Variants in ABLIM1 observed in about 807,000 individuals in gnomAD.
ABLIM1 encodes the protein actin binding LIM protein 1.
ABLIM1 carries 40 observed loss-of-function variants against 107.0 expected under a neutral mutation model. The ratio of observed to expected loss-of-function variants is 0.37; its 90% confidence interval spans 0.29 to 0.49. The LOEUF (loss-of-function observed/expected upper bound fraction) is 0.49. ABLIM1 is among the 20% of genes least tolerant of loss of function. The probability of loss-of-function intolerance (pLI) is 0.97; values close to 1 mark genes in which losing one functional copy is unlikely to be tolerated. For missense variants in ABLIM1, 857 were observed against 1,008.5 expected (o/e 0.85, Z 2.04); for synonymous variants, 357 against 357.3 (o/e 1.00, Z 0.01).
chr10:114,799,774 G>C, the ABLIM1 span, among the ~76,000 whole-genome samples: 1 of 151,554 alleles, frequency 6.6e-6, no homozygotes, highest in Non-Finnish European at 1.5e-5. Context: ...GCATCATCTG[G>C]AATGATTTTT....
chr10:114,516,505 C>T (rs548679259), intron 6 of ABLIM1, among the ~76,000 whole-genome samples: 3 of 152,240 alleles, frequency 2.0e-5, no homozygotes, highest in African/African-American at 7.2e-5. Flanking sequence ...GCCTGGGTGA[C>T]AGAGCAAGAC....
At chr10:114,542,425 A>G (rs554633330) in intron 6 of ABLIM1, among the ~76,000 whole-genome samples, 26 of 147,530 alleles carry the variant, frequency 1.8e-4, no homozygotes, top group African/African-American at 6.0e-4. Flanking sequence ...AAAAAAAAGA[A>G]AGAAAGAAAA....
At chr10:114,552,805 A>G (rs1465577833) in intron 4 of ABLIM1, among the ~76,000 whole-genome samples, 1 of 152,218 alleles carries the variant, frequency 6.6e-6, no homozygotes, top group Non-Finnish European at 1.5e-5. Context: ...AGGAAAAAAG[A>G]GAAGAGATCA....
At chr10:114,570,837 C>A (rs1273925367) in intron 4 of ABLIM1, among the ~76,000 whole-genome samples, 1 of 151,964 alleles carries the variant, frequency 6.6e-6, no homozygotes, top group East Asian at 1.9e-4. Context: ...TTAAATGAGG[C>A]TCAAGCAATC....
intron 4 of ABLIM1, among the ~76,000 whole-genome samples, chr10:114,553,921 A>G (rs537522186): frequency 3.9e-5 from 6 of 152,268 alleles, no homozygotes; most frequent in Admixed American, 1.3e-4. Context: ...CATGAATATC[A>G]CATGGATGGT....
chr10:114,574,125 A>G (rs1379665574), intron 3 of ABLIM1, among the ~76,000 whole-genome samples: 1 of 152,192 alleles, frequency 6.6e-6, no homozygotes, highest in African/African-American at 2.4e-5. Context: ...TCCCTTCTAG[A>G]GCTTACATCT....
chr10:114,686,844 C>G (rs2080952066), upstream of ABLIM1, among the ~76,000 whole-genome samples: 1 of 151,752 alleles, frequency 6.6e-6, no homozygotes, highest in Non-Finnish European at 1.5e-5. Context: ...CCAGGCTGGT[C>G]TCAAACTCCC....
At chr10:114,742,572 T>A (rs2082308190) in intron 1 of ABLIM1, among the ~76,000 whole-genome samples, 1 of 152,210 alleles carries the variant, frequency 6.6e-6, no homozygotes, top group Non-Finnish European at 1.5e-5. Context: ...CTCTTCCTGA[T>A]GCAGTGACTT....
At chr10:114,523,684 C>T (rs2064141778) in intron 6 of ABLIM1, among the ~76,000 whole-genome samples, 1 of 152,170 alleles carries the variant, frequency 6.6e-6, no homozygotes, top group African/African-American at 2.4e-5. Context: ...TAGATGGTGA[C>T]TGGATTTGTC....
rs769362662 is a variant in ABLIM1 at position 114,447,987 on chromosome 10, T to A, written c.1628A>T (p.Asp543Val). 1.2e-6 allele frequency: 2 copies of A among 1,614,134 alleles called. No individual in the cohort carries two copies. The highest frequency in any genetic ancestry group is 2.2e-5 in the East Asian group (1 of 44,870). The change falls in exon 15 of 23, where the codon GAT becomes GTT. Residue 543 changes from aspartate to valine, a missense_variant. Physicochemically the swap from Asp to Val is radical, Grantham distance 152. Transcript: ENST00000533213. ...ALAAQSKSSE[D>V]IIKFSKFPAA... ...TGGGAACTTGGAAAACTTGATGATA[T>A]CTTCTGAGGACTTGCTCTGGGCTGC...
At chr10:114,593,575 C>A (rs148084250) in intron 2 of ABLIM1, among the ~76,000 whole-genome samples, 2 of 152,232 alleles carry the variant, frequency 1.3e-5, no homozygotes, top group East Asian at 3.9e-4. Flanking sequence ...TGCAAGAAAA[C>A]CTGCCCAATA....
At chr10:114,552,612 C>T (rs765704461) in intron 4 of ABLIM1, among the ~76,000 whole-genome samples, 6 of 152,172 alleles carry the variant, frequency 3.9e-5, no homozygotes, top group Admixed American at 6.5e-5. Context: ...GTTAAATTAA[C>T]ATCCATCTAC....
At chr10:114,526,905 C>T in intron 6 of ABLIM1, 2 of 985,540 alleles carry the variant, frequency 2.0e-6, no homozygotes, top group Non-Finnish European at 2.4e-6. Flanking sequence ...GGCAGGCACG[C>T]TCTCTCACGC....
chr10:114,463,192 C>T, intron 12 of ABLIM1: 1 of 1,236,594 alleles, frequency 8.1e-7, no homozygotes, highest in South Asian at 1.4e-5. Context: ...AGGGGCAGGG[C>T]ACGGTGGAAA....
intron 4 of ABLIM1, 74 bp from the exon 5 acceptor site, chr10:114,547,850 C>T: frequency 1.3e-6 from 2 of 1,560,654 alleles, no homozygotes; most frequent in Non-Finnish European, 1.7e-6. Flanking sequence ...CAATTTCAAC[C>T]CCACTGTGTG....
At chr10:114,593,015 C>T (rs1817775170) in intron 2 of ABLIM1, among the ~76,000 whole-genome samples, 1 of 36,642 alleles carries the variant, frequency 2.7e-5, no homozygotes, top group Non-Finnish European at 6.3e-5. Context: ...AACCATGAGA[C>T]TGGATGAGGT....
intron 1 of ABLIM1, among the ~76,000 whole-genome samples, chr10:114,624,420 A>G (rs1473291665): frequency 6.6e-6 from 1 of 152,170 alleles, no homozygotes; most frequent in African/African-American, 2.4e-5. Context: ...GGAATTTGGA[A>G]AAGTCAATTT....
intron 1 of ABLIM1, chr10:114,767,924 C>T: frequency 3.1e-6 from 1 of 320,426 alleles, no homozygotes; most frequent in Non-Finnish European, 6.2e-6. Flanking sequence ...CGGCCCCCGG[C>T]AGCCCCGAGC....
intron 6 of ABLIM1, among the ~76,000 whole-genome samples, chr10:114,505,807 T>C (rs1251739063): frequency 1.3e-5 from 2 of 152,170 alleles, no homozygotes; most frequent in Non-Finnish European, 2.9e-5. Flanking sequence ...TATTTTCCCA[T>C]CCCACCCTGC....
Sources: allele counts gnomAD v4.1 joint callset (sites outside exome capture counted in the v4.1 genomes callset), GRCh38; gene constraint gnomAD v4.1.1; transcripts MANE v1.5; gene names NCBI Gene and HGNC (gene_info 2026-07-23, HGNC 2026-07-21).